Variants in PKNOX2 observed in about 807,000 individuals in gnomAD.
PKNOX2 encodes homeobox protein PKNOX2.
PKNOX2 carries 14 observed loss-of-function variants against 53.1 expected under a neutral mutation model. The ratio of observed to expected loss-of-function variants is 0.26; its 90% CI spans 0.17 to 0.41. The LOEUF (loss-of-function observed/expected upper bound fraction) is 0.41, where lower values mean the gene tolerates loss of function less well. Among genes scored for constraint, PKNOX2 ranks in the 10% least tolerant of loss-of-function variants. The probability of loss-of-function intolerance (pLI) is 1.00; values close to 1 mark genes in which losing one functional copy is unlikely to be tolerated. For missense variants in PKNOX2, 496 were observed against 602.8 expected (o/e 0.82, Z 1.85); for synonymous variants, 257 against 242.8 (o/e 1.06, Z -0.54).
chr11:125,398,169 C>A (rs984208888), intron 7 of PKNOX2, 107 bp downstream of exon 7: 61 of 1,219,996 alleles, frequency 5.0e-5, no homozygotes, highest in Non-Finnish European at 6.6e-5. Flanking sequence ...GTTAGACCCA[C>A]TGGGTTCCTT....
chr11:125,369,920 ATC>A (rs1952434437), intron 5 of PKNOX2, among the ~76,000 whole-genome samples: 1 of 152,112 alleles, frequency 6.6e-6, no homozygotes, highest in Non-Finnish European at 1.5e-5. Flanking sequence ...GCAGCATCGT[ATC>A]ACCTGGGAGC....
At chr11:125,400,267 G>C (rs572348269) in intron 7 of PKNOX2, among the ~76,000 whole-genome samples, 1 of 152,274 alleles carries the variant, frequency 6.6e-6, no homozygotes, top group East Asian at 1.9e-4. Flanking sequence ...CATTTTCTCT[G>C]ACTGCCACCA....
intron 1 of PKNOX2, among the ~76,000 whole-genome samples, chr11:125,184,607 G>A (rs1956342765): frequency 6.6e-6 from 1 of 152,200 alleles, no homozygotes; most frequent in South Asian, 2.1e-4. Context: ...GCATGCTCTA[G>A]GGGAGCATAG....
chr11:125,195,921 AC>A (rs1234441339), intron 1 of PKNOX2, among the ~76,000 whole-genome samples: 133 of 143,168 alleles, frequency 9.3e-4, no homozygotes, highest in African/African-American at 3.2e-3. Flanking sequence ...ACACACACAC[AC>A]AATTCATTGA....
chr11:125,371,660 G>A (rs1216957746), intron 5 of PKNOX2, among the ~76,000 whole-genome samples: 1 of 152,192 alleles, frequency 6.6e-6, no homozygotes, highest in Non-Finnish European at 1.5e-5. Flanking sequence ...TGGGGGAGGA[G>A]GTTGGCTTTG....
At position 125,431,574 on chromosome 11, in the gene PKNOX2, A is replaced by G; in HGVS notation, c.*182A>G. ...TGTTCCTTCCCAACCACCGAGCTTC[A>G]ATGAGGACCCCAGCCCCACTTCCCT... On this transcript the variant is annotated 3_prime_UTR_variant, in exon 13 of 13. Transcript: ENST00000298282. 1.4e-6 allele frequency: 1 copy of G among 694,656 alleles called. No homozygotes were observed. Among genetic ancestry groups the G allele is most frequent in the Non-Finnish European group, 2.3e-6 (1 of 426,528 alleles). The allele number at this position is 694,656 out of a possible 1,614,324, so 43.0% of individuals were successfully genotyped here.
chr11:125,275,400 C>T (rs752294848), intron 2 of PKNOX2, among the ~76,000 whole-genome samples: 17 of 152,142 alleles, frequency 1.1e-4, no homozygotes, highest in Non-Finnish European at 2.2e-4. Context: ...GTCAGGGAGG[C>T]AGAGAGTGTC....
intron 2 of PKNOX2, among the ~76,000 whole-genome samples, chr11:125,325,083 G>A (rs1008557978): frequency 2.0e-5 from 3 of 152,220 alleles, no homozygotes; most frequent in African/African-American, 7.2e-5. Context: ...TCCCTTTCAA[G>A]TGGGCTGGTC....
chr11:125,175,207 AGAAGGAAGGAAG>A (rs368917674), intron 1 of PKNOX2, among the ~76,000 whole-genome samples: 5 of 139,080 alleles, frequency 3.6e-5, no homozygotes, highest in South Asian at 4.7e-4. Flanking sequence ...GGGTTTGAGG[AGAAGGAAGGAAG>A]GAAGGAAGGA....
chr11:125,198,510 G>C (rs1264843350), intron 1 of PKNOX2, among the ~76,000 whole-genome samples: 2 of 152,172 alleles, frequency 1.3e-5, no homozygotes, highest in African/African-American at 2.4e-5. Context: ...ATGGTAGTGA[G>C]GTAATTTGAG....
rs1364745475 is a variant in PKNOX2, at chr11:125,178,648, AGG to A, written c.-201+13873_-201+13874del. Reference sequence around the variant, plus strand: ...AAAGAAAGAAAGAAAGAAAGAAAGAAGGAAGGAAGGAAGGAAGGAAGGAAAGA... The same window carrying A: ...AAAGAAAGAAAGAAAGAAAGAAAGAAAAGGAAGGAAGGAAGGAAGGAAAGA... On this transcript the variant is annotated intron_variant, in intron 1 of 12. Transcript: ENST00000298282. Among the ~76,000 whole-genome samples, 136 of 104,264 alleles carry A rather than the reference AGG, an allele frequency of 1.3e-3. 4 individuals carry two copies. The highest frequency in any genetic ancestry group is 5.7e-3 in the African/African-American group (87 of 15,208). 68.4% of individuals were successfully genotyped at this position (104,264 alleles called of 152,430 possible).
chr11:125,166,796 G>A lies in PKNOX2; in HGVS notation c.-201+2020G>A, dbSNP rs1352465762. On this transcript the variant is annotated intron_variant, in intron 1 of 12. Transcript: ENST00000298282. The surrounding 1 kb of genome is among the most constrained non-coding windows in gnomAD (Gnocchi z 4.0). ...GTGCGCCCGGGGGAGGAGGAAGCTTGGAGTGCCCTACTGTCATCTCTCCTG... is the reference window on the plus strand; with the variant it reads ...GTGCGCCCGGGGGAGGAGGAAGCTTAGAGTGCCCTACTGTCATCTCTCCTG... Among the ~76,000 whole-genome samples, 1 of 152,096 alleles carries A rather than the reference G, an allele frequency of 6.6e-6. No homozygotes were observed. The highest frequency in any genetic ancestry group is 2.4e-5 in the African/African-American group (1 of 41,426).
chr11:125,364,001 G>A (rs546600344), intron 4 of PKNOX2, among the ~76,000 whole-genome samples: 5 of 152,292 alleles, frequency 3.3e-5, no homozygotes, highest in South Asian at 2.1e-4. Context: ...GGCTTTCACA[G>A]GCCAGAACAA....
rs1453879009 is a variant in PKNOX2, at chr11:125,183,371, C to T, written c.-201+18595C>T. Among the ~76,000 whole-genome samples the T allele has an allele frequency of 1.1e-4, 9 of 82,566 alleles. 2 individuals carry two copies. Among genetic ancestry groups the T allele is most frequent in the Admixed American group, 4.3e-4 (4 of 9,308 alleles). The allele number at this position is 82,566 out of a possible 152,430, so 54.2% of individuals were successfully genotyped here. A position where few individuals can be genotyped will look rare whatever the true frequency, so the allele number is the denominator to read the frequency against. On this transcript the variant is annotated intron_variant, in intron 1 of 12. Transcript: ENST00000298282. Reference sequence around the variant, plus strand: ...AGCTGGGACTACAGGCGCCCGCCACCGCGCCCGGCTAATTTTTTGTATTTT... The same window carrying T: ...AGCTGGGACTACAGGCGCCCGCCACTGCGCCCGGCTAATTTTTTGTATTTT...
chr11:125,262,299 C>A (rs1944920007), intron 2 of PKNOX2, among the ~76,000 whole-genome samples: 1 of 152,098 alleles, frequency 6.6e-6, no homozygotes, highest in Non-Finnish European at 1.5e-5. Context: ...GGACGAAGGT[C>A]AGAACAGACC....
Position 125,167,131 on chromosome 11 carries a change from G to C in PKNOX2, c.-201+2355G>C, listed in dbSNP as rs537161572. ...GGGCCTAGCTGTGGGGTGTGGGGTGGGAAGGGGTCCCGACCAGGGAGGTAG... is the reference window on the plus strand; with the variant it reads ...GGGCCTAGCTGTGGGGTGTGGGGTGCGAAGGGGTCCCGACCAGGGAGGTAG... On this transcript the variant is annotated intron_variant, in intron 1 of 12. Transcript: ENST00000298282. 2.6e-5 allele frequency among the ~76,000 whole-genome samples: 4 copies of C among 151,218 alleles called. No homozygotes were observed. The East Asian group carries it at 7.9e-4, about 30-fold the overall frequency.
intron 2 of PKNOX2, among the ~76,000 whole-genome samples, chr11:125,296,153 C>T (rs570817910): frequency 4.6e-5 from 7 of 152,294 alleles, no homozygotes; most frequent in East Asian, 3.9e-4. Flanking sequence ...AAGAGCCTCC[C>T]GACTTCTTCC....
intron 4 of PKNOX2, among the ~76,000 whole-genome samples, chr11:125,354,212 A>C (rs562037660): frequency 1.3e-5 from 2 of 152,198 alleles, no homozygotes; most frequent in South Asian, 4.1e-4. Flanking sequence ...GAATGCTCAT[A>C]TCCCCAAGAA....
intron 1 of PKNOX2, among the ~76,000 whole-genome samples, chr11:125,222,097 G>A (rs1359434132): frequency 6.6e-6 from 1 of 152,178 alleles, no homozygotes; most frequent in East Asian, 1.9e-4. Context: ...GAACAAAGCT[G>A]GGAACTTGAC....
Sources: allele counts gnomAD v4.1 joint callset (sites outside exome capture counted in the v4.1 genomes callset), GRCh38; gene constraint gnomAD v4.1.1; non-coding constraint Gnocchi (gnomAD v3.1); transcripts MANE v1.5; gene names NCBI Gene and HGNC (gene_info 2026-07-23, HGNC 2026-07-21).